The following C1QTNF3 variants were observed in gnomAD, a reference collection of about 807,000 sequenced individuals.
C1QTNF3 encodes complement C1q tumor necrosis factor-related protein 3.
In C1QTNF3, 26 loss-of-function variants were observed where a neutral mutation model predicts 32.6. The observed-to-expected ratio is 0.80, with a 90% CI of 0.58 to 1.11. C1QTNF3 has a LOEUF of 1.11. Ranked by LOEUF, C1QTNF3 falls within the 50% of genes least tolerant of loss-of-function variation. The pLI is 0.00. For missense variants in C1QTNF3, 362 were observed against 398.2 expected, an observed-to-expected ratio of 0.91 and a Z score of 0.77; for synonymous variants, 155 against 146.0, an observed-to-expected ratio of 1.06 and a Z score of -0.44.
chr5:34,105,680 T>C, the C1QTNF3 span: 7 of 151,906 alleles, frequency 4.6e-5, no homozygotes, highest in African/African-American at 1.7e-4. Context: ...TACTCTATTT[T>C]TTCGTCAATA....
At chr5:34,130,968 CTTGA>C in the C1QTNF3 span, among the ~76,000 whole-genome samples, 1 of 152,226 alleles carries the variant, frequency 6.6e-6, no homozygotes, top group Admixed American at 6.5e-5. Context: ...AGTTTGTTAA[CTTGA>C]TTTATAACTT....
chr5:34,053,365 C>A, the C1QTNF3 span, among the ~76,000 whole-genome samples: 1 of 152,212 alleles, frequency 6.6e-6, no homozygotes, highest in Admixed American at 6.5e-5. Flanking sequence ...TTAAACTAGG[C>A]AGTAAAGAAA....
the C1QTNF3 span, among the ~76,000 whole-genome samples, chr5:34,174,153 GT>G: frequency 1.3e-5 from 2 of 152,204 alleles, no homozygotes; most frequent in East Asian, 3.8e-4. Flanking sequence ...CGCCTCCGAG[GT>G]TTAAGCGATT....
the C1QTNF3 span, chr5:34,158,645 T>G: frequency 6.6e-6 from 1 of 152,310 alleles, no homozygotes; most frequent in East Asian, 1.9e-4. Flanking sequence ...ATAATTTATT[T>G]TGAGATGACC....
At chr5:34,163,516 C>T in the C1QTNF3 span, among the ~76,000 whole-genome samples, 1 of 151,714 alleles carries the variant, frequency 6.6e-6, no homozygotes, top group African/African-American at 2.4e-5. Flanking sequence ...ACAAAGTCCT[C>T]ACAATTTCAT....
At chr5:34,196,820 C>A in the C1QTNF3 span, among the ~76,000 whole-genome samples, 6 of 151,994 alleles carry the variant, frequency 3.9e-5, no homozygotes, top group African/African-American at 9.7e-5. Flanking sequence ...CCACCACGCC[C>A]GGCTAATTTT....
At chr5:34,218,984 T>C in the C1QTNF3 span, among the ~76,000 whole-genome samples, 1 of 152,130 alleles carries the variant, frequency 6.6e-6, no homozygotes, top group Non-Finnish European at 1.5e-5. Context: ...AATTTTACAA[T>C]GTGCTATTCT....
At chr5:34,219,371 T>C in the C1QTNF3 span, among the ~76,000 whole-genome samples, 1 of 151,770 alleles carries the variant, frequency 6.6e-6, no homozygotes, top group South Asian at 2.1e-4. Flanking sequence ...ATCCAGAGTT[T>C]CCCAAATGCC....
At chr5:34,213,786 C>CATACATATATATAT in the C1QTNF3 span, among the ~76,000 whole-genome samples, 4 of 15,458 alleles carry the variant, frequency 2.6e-4, no homozygotes, top group African/African-American at 7.3e-4. Flanking sequence ...TGTATATATA[C>CATACATATATATAT]ATATATATAT....
At chr5:34,141,976 C>G in the C1QTNF3 span, among the ~76,000 whole-genome samples, 1 of 152,032 alleles carries the variant, frequency 6.6e-6, no homozygotes, top group Non-Finnish European at 1.5e-5. Flanking sequence ...GGCCATTACT[C>G]AAGCAGGGGA....
At chr5:34,140,320 T>C in the C1QTNF3 span, among the ~76,000 whole-genome samples, 1 of 152,216 alleles carries the variant, frequency 6.6e-6, no homozygotes, top group Non-Finnish European at 1.5e-5. Context: ...TCTGGGTTTT[T>C]CTAAAGAATA....
the C1QTNF3 span, among the ~76,000 whole-genome samples, chr5:34,178,126 A>AAAAAT: frequency 6.7e-6 from 1 of 149,930 alleles, no homozygotes; most frequent in Non-Finnish European, 1.5e-5. Context: ...AAAAAAAAAA[A>AAAAAT]AAAAATTAGG....
At chr5:34,204,381 G>T in the C1QTNF3 span, among the ~76,000 whole-genome samples, 3 of 152,310 alleles carry the variant, frequency 2.0e-5, no homozygotes, top group East Asian at 5.8e-4. Flanking sequence ...AATAAATCTG[G>T]CATATATGCC....
At chr5:34,138,719 C>G in the C1QTNF3 span, among the ~76,000 whole-genome samples, 3 of 152,030 alleles carry the variant, frequency 2.0e-5, no homozygotes. Context: ...GTACATTAAT[C>G]AATTTGATTT....
Position 34,036,212 on chromosome 5 carries a change from T to C in C1QTNF3, c.304-454A>G, listed in dbSNP as rs906742402. Among the ~76,000 whole-genome samples, 5 of 152,112 alleles carry C rather than the reference T, an allele frequency of 3.3e-5. No individual in the cohort carries two copies. The East Asian group carries it at 9.6e-4, about 29-fold the overall frequency. Reference sequence around the variant, plus strand: ...GCACTGTTTTTAAATGCTTACTATATCCATGATACTGAGTTAAGAGCTAGA... The same window carrying C: ...GCACTGTTTTTAAATGCTTACTATACCCATGATACTGAGTTAAGAGCTAGA... On this transcript the variant is annotated intron_variant, in intron 1 of 5. Coordinates refer to ENST00000382065, the MANE Select transcript of C1QTNF3 (RefSeq NM_181435.6).
chr5:34,031,969 AC>A (rs1754624799), intron 3 of C1QTNF3, among the ~76,000 whole-genome samples: 1 of 152,250 alleles, frequency 6.6e-6, no homozygotes, highest in African/African-American at 2.4e-5. Context: ...CCATACACGC[AC>A]AAATGAAAGA....
the C1QTNF3 span, among the ~76,000 whole-genome samples, chr5:34,141,839 T>C: frequency 8.5e-5 from 13 of 152,060 alleles, no homozygotes; most frequent in Non-Finnish European, 1.5e-5. Context: ...CCTGGTGGCC[T>C]GAGAGCATTT....
intron 1 of C1QTNF3, among the ~76,000 whole-genome samples, chr5:34,038,318 G>A (rs989204599): frequency 1.3e-5 from 2 of 152,128 alleles, no homozygotes; most frequent in African/African-American, 4.8e-5. Flanking sequence ...ACAAAAGCTT[G>A]CTTGATCTTG....
At chr5:34,123,427 T>C in the C1QTNF3 span, among the ~76,000 whole-genome samples, 7 of 152,030 alleles carry the variant, frequency 4.6e-5, no homozygotes, top group Non-Finnish European at 7.4e-5. Flanking sequence ...ACATGAGGTG[T>C]GTGTATTTTA....
Sources: gnomAD v4.1 joint callset for allele counts (sites outside exome capture counted in the v4.1 genomes callset) on GRCh38, gnomAD v4.1.1 for gene constraint, MANE v1.5 for transcripts, NCBI Gene and HGNC (gene_info 2026-07-23, HGNC 2026-07-21) for gene names.